The following FYB2 variants were observed in gnomAD, a reference collection of about 807,000 sequenced individuals.
FYB2 encodes the protein FYN binding protein 2, also known as FYN-binding protein 2.
Under a neutral mutation model 94.1 loss-of-function variants are expected in FYB2, and 103 were observed. The ratio of observed to expected loss-of-function variants is 1.09; its 90% confidence interval spans 0.93 to 1.29. FYB2 has a LOEUF of 1.29. FYB2 is among the 50% of genes most tolerant of loss of function. The probability of loss-of-function intolerance (pLI) is 0.00; values close to 1 mark genes in which losing one functional copy is unlikely to be tolerated. For synonymous variants in FYB2, 293 were observed against 287.9 expected (o/e 1.02, Z -0.18); for missense variants, 896 against 841.5 (o/e 1.06, Z -0.80).
chr1:56,811,046 AGC>A (rs1239793745), intron 1 of FYB2, among the ~76,000 whole-genome samples: 2 of 152,156 alleles, frequency 1.3e-5, no homozygotes, highest in Non-Finnish European at 2.9e-5. Context: ...ACACTCACTG[AGC>A]GCAGGTATGC....
chr1:56,746,191 A>G (rs572061879), intron 9 of FYB2, among the ~76,000 whole-genome samples: 85 of 152,128 alleles, frequency 5.6e-4, no homozygotes, highest in African/African-American at 2.0e-3. Flanking sequence ...TTGCCTGTTC[A>G]CTGCTATACA....
At chr1:56,731,582 A>G (rs1644711317) in intron 15 of FYB2, among the ~76,000 whole-genome samples, 3 of 152,052 alleles carry the variant, frequency 2.0e-5, no homozygotes, top group Admixed American at 1.3e-4. Context: ...TGGCTTCATC[A>G]TGTGAAGCCG....
At chr1:56,821,020 G>T (rs1214402346), upstream of FYB2, among the ~76,000 whole-genome samples, 5 of 151,730 alleles carry the variant, frequency 3.3e-5, no homozygotes, top group African/African-American at 1.2e-4. Context: ...TCAGTTGGGG[G>T]GCCTATTTCT....
intron 4 of FYB2, among the ~76,000 whole-genome samples, chr1:56,782,161 A>G (rs909905127): frequency 6.6e-6 from 1 of 152,230 alleles, no homozygotes; most frequent in East Asian, 1.9e-4. Context: ...ACAATAGATT[A>G]TTGTTAATTA....
chr1:56,787,191 A>G lies in FYB2; in HGVS notation c.937T>C (p.Ser313Pro). Residue 313 changes from serine (S) to proline (P), a missense_variant, in exon 4 of 20, where the codon TCC becomes CCC. By Grantham distance (74) the Ser-to-Pro change is moderately conservative. Transcript: ENST00000343433. ...TGTACTTACCTCTCTGGAGACAGGG[A>G]GCCCTCTTCCACAGTCACTGCAAGA... The part of the protein sequence containing the change: ...TQGEVTVEEG[S>P]LSPERLFNAE... The G allele has an allele frequency of 1.2e-5, 20 of 1,613,946 alleles. No individual in the cohort carries two copies. Among genetic ancestry groups the G allele is most frequent in the Non-Finnish European group, 1.7e-5 (20 of 1,179,880 alleles).
At chr1:56,801,569 C>T (rs935661536) in intron 1 of FYB2, among the ~76,000 whole-genome samples, 3 of 152,148 alleles carry the variant, frequency 2.0e-5, no homozygotes, top group African/African-American at 7.2e-5. Context: ...TCCACAGATA[C>T]ACCTTAGACC....
intron 15 of FYB2, among the ~76,000 whole-genome samples, chr1:56,727,374 T>C (rs1438029180): frequency 2.0e-5 from 3 of 152,066 alleles, no homozygotes; most frequent in African/African-American, 7.2e-5. Context: ...CTGCACACAT[T>C]CACAGGAGCT....
chr1:56,742,262 G>T, intron 11 of FYB2, 41 bp from the exon 12 acceptor site: 3 of 1,425,910 alleles, frequency 2.1e-6, no homozygotes, highest in Non-Finnish European at 2.0e-6. Context: ...CATTATAATA[G>T]CAATAGTTCA....
chr1:56,755,970 G>GA lies in FYB2; in HGVS notation c.1099-44dup, dbSNP rs754419164. On this transcript the variant is annotated intron_variant, in intron 6 of 19. Transcript: ENST00000343433. ...AATGGTTATTTTCATAAATCAACCTGAATCAGGCTCTGTTGTTTGGTTACA... is the reference window on the plus strand; with the variant it reads ...AATGGTTATTTTCATAAATCAACCTGAAATCAGGCTCTGTTGTTTGGTTACA... 18 of 1,570,376 alleles carry GA rather than the reference G, an allele frequency of 1.1e-5. No homozygotes were observed. The African/African-American group carries it at 2.3e-4, about 20-fold the overall frequency.
chr1:56,804,055 T>C (rs1646582118), intron 1 of FYB2, among the ~76,000 whole-genome samples: 1 of 152,234 alleles, frequency 6.6e-6, no homozygotes, highest in South Asian at 2.1e-4. Flanking sequence ...GAGTGCTTAC[T>C]GTGAGGCCAG....
At chr1:56,776,756 G>A (rs1310813420) in intron 4 of FYB2, among the ~76,000 whole-genome samples, 1 of 152,140 alleles carries the variant, frequency 6.6e-6, no homozygotes, top group African/African-American at 2.4e-5. Context: ...TGCCTGTTCT[G>A]CCACCTACAG....
chr1:56,821,471 T>C (rs1278721167), upstream of FYB2, among the ~76,000 whole-genome samples: 1 of 152,212 alleles, frequency 6.6e-6, no homozygotes, highest in African/African-American at 2.4e-5. Flanking sequence ...GGTGCTAAAC[T>C]CAGTTTCCCC....
rs746435508 is a variant in FYB2 at position 56,758,570 on chromosome 1, T to C, written c.1098+146A>G. ...GTAACAGGGCTCAAAGTGCAGACTCTTAGAAGCTGGAGTCTGGAAAATCCT... is the reference window on the plus strand; with the variant it reads ...GTAACAGGGCTCAAAGTGCAGACTCCTAGAAGCTGGAGTCTGGAAAATCCT... On this transcript the variant is annotated intron_variant, in intron 6 of 19. Transcript: ENST00000343433. The C allele has an allele frequency of 5.0e-4, 304 of 606,242 alleles. 2 individuals carry two copies. In the South Asian group the frequency reaches 5.3e-3, roughly 11 times the overall value. 37.6% of individuals were successfully genotyped at this position (606,242 alleles called of 1,614,324 possible).
At chr1:56,823,014 G>T (rs1475549246), upstream of FYB2, among the ~76,000 whole-genome samples, 2 of 152,126 alleles carry the variant, frequency 1.3e-5, no homozygotes, top group African/African-American at 2.4e-5. Context: ...GCTTTCAAAA[G>T]GGAGAGAAGG....
At chr1:56,819,427 C>T (rs1412351803), upstream of FYB2, 7 of 1,216,580 alleles carry the variant, frequency 5.8e-6, no homozygotes, top group African/African-American at 7.5e-5. Context: ...AGCCCAGGCT[C>T]CCCACCTGCC....
chr1:56,784,631 AT>A (rs1646090254), intron 4 of FYB2, among the ~76,000 whole-genome samples: 1 of 152,078 alleles, frequency 6.6e-6, no homozygotes, highest in African/African-American at 2.4e-5. Flanking sequence ...ACATTAGAAT[AT>A]TTTTTGTCTG....
intron 5 of FYB2, 104 bp from the exon 6 acceptor site, chr1:56,758,854 C>T: frequency 1.2e-6 from 1 of 843,056 alleles, no homozygotes; most frequent in East Asian, 2.9e-5. Context: ...TCAGTTTTCT[C>T]ACCTTTAAGA....
intron 1 of FYB2, among the ~76,000 whole-genome samples, chr1:56,800,482 T>C (rs1213718741): frequency 6.6e-6 from 1 of 152,032 alleles, no homozygotes; most frequent in Non-Finnish European, 1.5e-5. Flanking sequence ...AAAAAATAAA[T>C]AAATTAATTA....
chr1:56,742,325 A>G (rs756925994), intron 11 of FYB2, 104 bp from the exon 12 acceptor site: 156 of 797,772 alleles, frequency 2.0e-4, no homozygotes, highest in Non-Finnish European at 2.8e-4. Context: ...AGGTACTTTG[A>G]TCTTTCTTTT....
Sources: allele counts gnomAD v4.1 joint callset (sites outside exome capture counted in the v4.1 genomes callset), GRCh38; gene constraint gnomAD v4.1.1; transcripts MANE v1.5; gene names NCBI Gene and HGNC (gene_info 2026-07-23, HGNC 2026-07-21).